FRMD4B: variants seen among roughly 807,000 people sequenced by gnomAD.
FRMD4B encodes the protein FERM domain containing 4B.
Under a neutral mutation model 141.5 loss-of-function variants are expected in FRMD4B, and 74 were observed. That is an observed-to-expected ratio of 0.52 (90% confidence interval 0.43 to 0.63). The LOEUF (loss-of-function observed/expected upper bound fraction) is 0.63. Among genes scored for constraint, FRMD4B ranks in the 30% least tolerant of loss-of-function variants. FRMD4B has a pLI of 0.00. For missense variants in FRMD4B, 1,366 were observed against 1,253.4 expected (o/e 1.09, Z -1.36); for synonymous variants, 506 against 467.9 (o/e 1.08, Z -1.05).
At chr3:69,439,274 G>T (rs144687641) in intron 1 of FRMD4B, among the ~76,000 whole-genome samples, 2 of 152,072 alleles carry the variant, frequency 1.3e-5, no homozygotes, top group Non-Finnish European at 2.9e-5. Context: ...GGTAGTGTCC[G>T]ATTTTTGTTA....
At chr3:69,248,148 T>TC (rs2106767415) in intron 7 of FRMD4B, among the ~76,000 whole-genome samples, 2 of 152,252 alleles carry the variant, frequency 1.3e-5, no homozygotes, top group East Asian at 3.9e-4. Flanking sequence ...TACTCTTGTT[T>TC]TTTTTTTTAA....
intron 1 of FRMD4B, among the ~76,000 whole-genome samples, chr3:69,349,311 A>G (rs1433412521): frequency 6.6e-6 from 1 of 152,230 alleles, no homozygotes; most frequent in Non-Finnish European, 1.5e-5. Context: ...CCACTGCTCA[A>G]TGAAATAAAA....
intron 22 of FRMD4B, among the ~76,000 whole-genome samples, chr3:69,175,421 T>C (rs1171648769): frequency 6.6e-6 from 1 of 152,222 alleles, no homozygotes; most frequent in African/African-American, 2.4e-5. Flanking sequence ...TTTTAACAAA[T>C]TGCTCTTGTA....
intron 2 of FRMD4B, among the ~76,000 whole-genome samples, chr3:69,403,760 G>A (rs1231998139): frequency 6.6e-6 from 1 of 152,072 alleles, no homozygotes; most frequent in African/African-American, 2.4e-5. Context: ...GTATAGTACA[G>A]CATTCTCTAT....
At chr3:69,386,100 G>A, upstream of FRMD4B, 1 of 988,220 alleles carries the variant, frequency 1.0e-6, no homozygotes. Context: ...GCAGCCGGGG[G>A]GTCAAGCCTG....
intron 19 of FRMD4B, among the ~76,000 whole-genome samples, chr3:69,183,781 C>G (rs1457849280): frequency 1.3e-5 from 2 of 151,260 alleles, no homozygotes; most frequent in African/African-American, 4.9e-5. Context: ...CGCGCCCAGC[C>G]TGAAGTTAAT....
chr3:69,540,186 G>GGA (rs1553652065), intron 1 of FRMD4B, among the ~76,000 whole-genome samples: 1 of 150,496 alleles, frequency 6.6e-6, no homozygotes, highest in Admixed American at 6.6e-5. Context: ...GAGTTCGAAG[G>GGA]AAAAAAAAAG....
chr3:69,401,263 G>A (rs1221135190), intron 2 of FRMD4B, among the ~76,000 whole-genome samples: 2 of 152,162 alleles, frequency 1.3e-5, no homozygotes, highest in African/African-American at 2.4e-5. Context: ...GGAAATATAT[G>A]GAGGAAGACC....
At chr3:69,440,173 G>A (rs927271409) in intron 1 of FRMD4B, among the ~76,000 whole-genome samples, 4 of 152,002 alleles carry the variant, frequency 2.6e-5, no homozygotes, top group African/African-American at 9.7e-5. Context: ...CCCATCTAAA[G>A]GTTTTACATT....
intron 3 of FRMD4B, among the ~76,000 whole-genome samples, chr3:69,303,328 T>TAA (rs75778830): frequency 2.2e-5 from 3 of 133,948 alleles, no homozygotes; most frequent in Non-Finnish European, 1.6e-5. Context: ...GACCCCATCT[T>TAA]AAAAAAAAAA....
intron 1 of FRMD4B, among the ~76,000 whole-genome samples, chr3:69,497,137 G>A (rs1183589835): frequency 1.3e-5 from 2 of 151,948 alleles, no homozygotes; most frequent in African/African-American, 2.4e-5. Flanking sequence ...TTCCTTTTTT[G>A]TTTTCTGCCA....
chr3:69,299,500 A>T (rs187639677), intron 4 of FRMD4B, among the ~76,000 whole-genome samples: 1 of 152,184 alleles, frequency 6.6e-6, no homozygotes, highest in African/African-American at 2.4e-5. Flanking sequence ...ATGGCATTAT[A>T]TCAGAATCTG....
At chr3:69,489,213 G>C (rs1575588663) in intron 1 of FRMD4B, among the ~76,000 whole-genome samples, 2 of 151,116 alleles carry the variant, frequency 1.3e-5, no homozygotes, top group East Asian at 3.9e-4. Flanking sequence ...ATCTAAAAAT[G>C]GGTAAAAAAT....
intron 5 of FRMD4B, among the ~76,000 whole-genome samples, chr3:69,278,604 C>CTT (rs55732494): frequency 2.1e-5 from 3 of 142,234 alleles, no homozygotes; most frequent in African/African-American, 7.8e-5. Flanking sequence ...CCCCAAATTG[C>CTT]TTTTTTTTTT....
chr3:69,359,905 C>T (rs1052964623), intron 1 of FRMD4B, among the ~76,000 whole-genome samples: 5 of 152,160 alleles, frequency 3.3e-5, no homozygotes, highest in East Asian at 3.8e-4. Context: ...AACTGAAGCA[C>T]GGAGATGTCT....
intron 7 of FRMD4B, among the ~76,000 whole-genome samples, chr3:69,227,526 G>C (rs1575632246): frequency 6.6e-6 from 1 of 152,022 alleles, no homozygotes; most frequent in East Asian, 1.9e-4. Flanking sequence ...GCCTGCTGTG[G>C]TGGCAGACAC....
At chr3:69,382,506 C>T (rs971527544) in intron 1 of FRMD4B, among the ~76,000 whole-genome samples, 4 of 152,154 alleles carry the variant, frequency 2.6e-5, no homozygotes, top group African/African-American at 4.8e-5. Context: ...CACAGATATG[C>T]TGTATTTCTG....
intron 12 of FRMD4B, chr3:69,197,786 G>A (rs1395960898): frequency 6.6e-6 from 1 of 152,386 alleles, no homozygotes; most frequent in African/African-American, 2.4e-5. Flanking sequence ...CATCCCTCTG[G>A]CCTCTAAACA....
intron 1 of FRMD4B, among the ~76,000 whole-genome samples, chr3:69,494,942 G>A (rs1706360744): frequency 6.6e-6 from 1 of 150,742 alleles, no homozygotes; most frequent in Admixed American, 6.6e-5. Flanking sequence ...GGGAGAGGAG[G>A]GGAAGAGAGG....
Sources: gnomAD v4.1 joint callset for allele counts (sites outside exome capture counted in the v4.1 genomes callset) on GRCh38, gnomAD v4.1.1 for gene constraint, MANE v1.5 for transcripts, NCBI Gene and HGNC (gene_info 2026-07-23, HGNC 2026-07-21) for gene names.